The following UGGT2 variants were observed in gnomAD, a reference collection of about 807,000 sequenced individuals.
The protein encoded by UGGT2 is UDP-glucose glycoprotein glucosyltransferase 2.
Under a neutral mutation model 192.1 loss-of-function variants are expected in UGGT2, and 180 were observed. The ratio of observed to expected loss-of-function variants is 0.94; its 90% CI spans 0.83 to 1.06. UGGT2 has a LOEUF of 1.06. Among genes scored for constraint, UGGT2 ranks in the 50% least tolerant of loss-of-function variants. UGGT2 has a pLI of 0.00. For synonymous variants in UGGT2, 580 were observed against 591.0 expected (o/e 0.98, Z 0.27); for missense variants, 1,849 against 1,795.7 (o/e 1.03, Z -0.54).
chr13:95,971,894 A>G (rs2050784303), intron 11 of UGGT2, among the ~76,000 whole-genome samples: 1 of 152,218 alleles, frequency 6.6e-6, no homozygotes, highest in Non-Finnish European at 1.5e-5. Flanking sequence ...AACAATTCAA[A>G]TAATTTCACT....
chr13:95,809,024 TATGGA>T (rs1353502280), intron 38 of UGGT2, among the ~76,000 whole-genome samples: 1 of 152,212 alleles, frequency 6.6e-6, no homozygotes, highest in East Asian at 1.9e-4. Flanking sequence ...ACCCCCCATC[TATGGA>T]ATGTTAACCT....
chr13:96,052,642 A>T (rs2053518110), intron 1 of UGGT2, among the ~76,000 whole-genome samples: 1 of 152,228 alleles, frequency 6.6e-6, no homozygotes. Flanking sequence ...TAGAATACTA[A>T]AGGGCAAAAT....
At chr13:95,889,063 C>T (rs368736091) in intron 25 of UGGT2, among the ~76,000 whole-genome samples, 1 of 152,026 alleles carries the variant, frequency 6.6e-6, no homozygotes, top group Non-Finnish European at 1.5e-5. Context: ...GATCTTCCTG[C>T]TTTGGCTAAT....
chr13:96,030,888 A>G (rs983559149), intron 2 of UGGT2, among the ~76,000 whole-genome samples: 1 of 152,244 alleles, frequency 6.6e-6, no homozygotes, highest in Non-Finnish European at 1.5e-5. Context: ...AAATGAGAGC[A>G]TATTAGTTAC....
chr13:95,964,528 C>T (rs759983607), intron 12 of UGGT2, among the ~76,000 whole-genome samples: 3 of 151,884 alleles, frequency 2.0e-5, no homozygotes, highest in South Asian at 2.1e-4. Context: ...CAAGCCTGTT[C>T]GATGGGAGAA....
Position 95,999,152 on chromosome 13 carries a change from A to G in UGGT2, c.757+59T>C, listed in dbSNP as rs536389227. ...ATACTCATTAAATTTTTAAAAAACT[A>G]AAGTATGTAAAAGCCTCCAACTTTT... On this transcript the variant is annotated intron_variant, in intron 6 of 38. Transcript: ENST00000376747. 7.0e-4 allele frequency: 989 copies of G among 1,418,732 alleles called. 3 individuals carry two copies. Among genetic ancestry groups the G allele is most frequent in the Middle Eastern group, 3.7e-3 (19 of 5,086 alleles). The allele number at this position is 1,418,732 out of a possible 1,614,324, so 87.9% of individuals were successfully genotyped here.
Position 95,801,780 on chromosome 13 carries a change from T to C in UGGT2, c.*10A>G, listed in dbSNP as rs1300220216. 6.2e-7 allele frequency: 1 copy of C among 1,613,116 alleles called. No individual in the cohort carries two copies. Among genetic ancestry groups the C allele is most frequent in the South Asian group, 1.1e-5 (1 of 90,876 alleles). On this transcript the variant is annotated 3_prime_UTR_variant, in exon 39 of 39. Transcript: ENST00000376747. ...TCATGCTTTCGCCTTCCTTCTCATA[T>C]ACACCAGTGCTAGAGTTCATCATGT...
intron 7 of UGGT2, among the ~76,000 whole-genome samples, chr13:95,992,345 T>A (rs977626729): frequency 6.6e-6 from 1 of 152,242 alleles, no homozygotes; most frequent in Non-Finnish European, 1.5e-5. Flanking sequence ...TTTCCATTTG[T>A]TTGTGTCAGC....
At position 95,901,394 on chromosome 13, in the gene UGGT2, T is replaced by C. The variant is rs556203300; in HGVS notation, c.2503-456A>G. Among the ~76,000 whole-genome samples the C allele has an allele frequency of 3.9e-5, 6 of 152,180 alleles. No individual in the cohort carries two copies. In the East Asian group the frequency reaches 1.2e-3, roughly 29 times the overall value. On this transcript the variant is annotated intron_variant, in intron 21 of 38. Transcript: ENST00000376747. ...GTAATAATATATTTAAATATGGAAA[T>C]AATAAAAGTAATGCTTGGTCAAAGT...
intron 2 of UGGT2, among the ~76,000 whole-genome samples, chr13:96,028,748 G>T (rs1280639632): frequency 6.6e-6 from 1 of 152,138 alleles, no homozygotes. Flanking sequence ...TTAGTAAAGA[G>T]TATTTAGAAG....
intron 29 of UGGT2, among the ~76,000 whole-genome samples, chr13:95,874,182 G>A (rs1420959544): frequency 1.3e-5 from 2 of 151,974 alleles, no homozygotes; most frequent in African/African-American, 2.4e-5. Flanking sequence ...CTAGTGTTTT[G>A]TAACTTATAA....
chr13:95,859,470 AC>A, intron 33 of UGGT2, 120 bp downstream of exon 33: 1 of 799,486 alleles, frequency 1.3e-6, no homozygotes, highest in East Asian at 2.9e-5. Flanking sequence ...ACATAAAAAT[AC>A]TAAATACCAT....
At chr13:95,973,177 A>C (rs2050830330) in intron 10 of UGGT2, among the ~76,000 whole-genome samples, 1 of 151,606 alleles carries the variant, frequency 6.6e-6, no homozygotes, top group South Asian at 2.1e-4. Context: ...TCTCAAAAAA[A>C]TAAATAAAAT....
rs1566664434 is a variant in UGGT2 at position 95,902,958 on chromosome 13, T to C, written c.2398A>G (p.Thr800Ala). 1 of 1,613,622 alleles carries C rather than the reference T, an allele frequency of 6.2e-7. No individual in the cohort carries two copies. The highest frequency in any genetic ancestry group is 8.5e-7 in the Non-Finnish European group (1 of 1,179,718). Residue 800 changes from threonine (T) to alanine (A), a missense_variant, in exon 21 of 39, where the codon ACA becomes GCA. Thr to Ala is a moderately conservative substitution (Grantham distance 58, BLOSUM62 0). Coordinates refer to ENST00000376747, the MANE Select transcript of UGGT2 (RefSeq NM_020121.4). ...CTTCTCAAAAACATGTTCTTCTGTG[T>C]AAGAAAAGCTGCCAAAATTCCTCTA... ...ISRGILAAFL[T>A]QKNMFLRSFL...
At position 95,972,681 on chromosome 13, in the gene UGGT2, G is replaced by C. The variant is rs371712701; in HGVS notation, c.1093-10C>G. The stretch of plus-strand genomic sequence containing the variant: ...ATCTAACTTGAAGATCCTTGAAGTA[G>C]AGCAAAGCAATAGTTAACCAGTGAT... On this transcript the variant is annotated splice_polypyrimidine_tract_variant and intron_variant, in intron 10 of 38. Transcript: ENST00000376747. 1.2e-6 allele frequency: 2 copies of C among 1,602,514 alleles called. No homozygotes were observed. The highest frequency in any genetic ancestry group is 1.7e-6 in the Non-Finnish European group (2 of 1,170,200).
chr13:95,840,987 G>A (rs1402148789), intron 36 of UGGT2, among the ~76,000 whole-genome samples: 1 of 152,096 alleles, frequency 6.6e-6, no homozygotes, highest in Non-Finnish European at 1.5e-5. Flanking sequence ...ACTCATAAGT[G>A]GGAGTTGAAC....
chr13:95,969,929 C>T (rs753510411), intron 12 of UGGT2, among the ~76,000 whole-genome samples, 183 bp downstream of exon 12: 4 of 152,158 alleles, frequency 2.6e-5, no homozygotes, highest in Non-Finnish European at 5.9e-5. Context: ...AAAACAGAGA[C>T]TATGAAGAAG....
At chr13:95,815,467 T>A (rs1222432128) in intron 38 of UGGT2, among the ~76,000 whole-genome samples, 2 of 152,172 alleles carry the variant, frequency 1.3e-5, no homozygotes, top group Admixed American at 6.6e-5. Flanking sequence ...ACAAGAAATT[T>A]AAAAATACCA....
At chr13:95,928,944 G>T (rs2049143632) in intron 17 of UGGT2, among the ~76,000 whole-genome samples, 1 of 152,192 alleles carries the variant, frequency 6.6e-6, no homozygotes, top group Non-Finnish European at 1.5e-5. Flanking sequence ...TGCAATCCCG[G>T]CACCTCGGGA....
Sources: allele counts gnomAD v4.1 joint callset (sites outside exome capture counted in the v4.1 genomes callset), GRCh38; gene constraint gnomAD v4.1.1; transcripts MANE v1.5; gene names NCBI Gene and HGNC (gene_info 2026-07-23, HGNC 2026-07-21).